Variants in CSMD2 observed in about 807,000 individuals in gnomAD.
CSMD2 encodes CUB and sushi domain-containing protein 2.
In CSMD2, 130 loss-of-function variants were observed where a neutral mutation model predicts 398.5. The observed-to-expected ratio is 0.33, with a 90% confidence interval of 0.28 to 0.38. The LOEUF (loss-of-function observed/expected upper bound fraction) is 0.38. Ranked by LOEUF, CSMD2 falls within the 10% of genes least tolerant of loss-of-function variation. The pLI, the probability that CSMD2 is intolerant of heterozygous loss-of-function variation, is 1.00. For missense variants in CSMD2, 3,829 were observed against 4,764.9 expected (o/e 0.80, Z 5.78); for synonymous variants, 1,828 against 1,908.5 (o/e 0.96, Z 1.10).
intron 13 of CSMD2, among the ~76,000 whole-genome samples, chr1:33,762,301 A>T (rs1649923262): frequency 6.6e-6 from 1 of 152,088 alleles, no homozygotes; most frequent in Admixed American, 6.5e-5. Flanking sequence ...TCTCTGAGTC[A>T]GGCATGGCAG....
At chr1:33,601,465 C>G (rs1163199778) in intron 43 of CSMD2, among the ~76,000 whole-genome samples, 1 of 152,182 alleles carries the variant, frequency 6.6e-6, no homozygotes, top group East Asian at 1.9e-4. Flanking sequence ...TCCCTGAAAC[C>G]TTATCTAACC....
chr1:33,599,933 T>C (rs1640099618), intron 44 of CSMD2: 1 of 579,800 alleles, frequency 1.7e-6, no homozygotes, highest in Non-Finnish European at 3.1e-6. Context: ...GCAGATACTG[T>C]AGCAGATACT....
At chr1:33,990,652 T>G (rs957328592) in intron 3 of CSMD2, among the ~76,000 whole-genome samples, 6 of 152,180 alleles carry the variant, frequency 3.9e-5, no homozygotes, top group African/African-American at 1.4e-4. Context: ...TGGGCTCTTC[T>G]ATCAGACCTA....
intron 53 of CSMD2, among the ~76,000 whole-genome samples, chr1:33,566,250 C>T (rs1372223869): frequency 1.3e-5 from 2 of 150,978 alleles, no homozygotes; most frequent in East Asian, 3.9e-4. Context: ...AACTCTGAAG[C>T]ATGTCCTAGT....
chr1:33,809,176 A>AT (rs1337975067), intron 10 of CSMD2, among the ~76,000 whole-genome samples: 5 of 152,028 alleles, frequency 3.3e-5, no homozygotes, highest in African/African-American at 1.2e-4. Flanking sequence ...TCTTCAAATC[A>AT]TTTTCTGAGG....
chr1:33,852,252 T>C (rs1638764028), intron 5 of CSMD2, among the ~76,000 whole-genome samples: 1 of 152,368 alleles, frequency 6.6e-6, no homozygotes, highest in Middle Eastern at 3.4e-3. Context: ...GCTTCTGATT[T>C]GCCCTCTGCC....
intron 13 of CSMD2, among the ~76,000 whole-genome samples, chr1:33,766,497 T>C (rs1650515937): frequency 6.6e-6 from 1 of 152,212 alleles, no homozygotes; most frequent in Non-Finnish European, 1.5e-5. Flanking sequence ...TGTTTTCTCA[T>C]TGAAAAACTA....
intron 47 of CSMD2, among the ~76,000 whole-genome samples, chr1:33,582,638 A>G (rs1400583450): frequency 2.0e-5 from 3 of 152,246 alleles, no homozygotes; most frequent in East Asian, 1.9e-4. Context: ...GATATATCAA[A>G]GACTTCTGGA....
intron 15 of CSMD2, among the ~76,000 whole-genome samples, chr1:33,728,908 T>C (rs918828688): frequency 3.3e-5 from 5 of 152,230 alleles, no homozygotes; most frequent in Non-Finnish European, 7.3e-5. Flanking sequence ...GTATTGTCAC[T>C]TCCTGGGTAA....
rs1366394298 is a variant in CSMD2 at position 34,098,416 on chromosome 1, T to TA, written c.188-9224dup. ...TACCCTAAAACTTAAAGTATAATAA[T>TA]AAAAAAATAAATAAATAAATAAATA... is the stretch of plus-strand genomic sequence containing the variant. On this transcript the variant is annotated intron_variant, in intron 1 of 70. Transcript: ENST00000373381. 4.4e-5 allele frequency among the ~76,000 whole-genome samples: 6 copies of TA among 137,260 alleles called. No homozygotes were observed. The East Asian group carries it at 1.0e-3, about 24-fold the overall frequency. 90.0% of individuals were successfully genotyped at this position (137,260 alleles called of 152,430 possible).
At chr1:33,994,774 G>A (rs1646672905) in intron 3 of CSMD2, among the ~76,000 whole-genome samples, 1 of 152,098 alleles carries the variant, frequency 6.6e-6, no homozygotes, top group African/African-American at 2.4e-5. Context: ...ACGTAGCTAA[G>A]CAGTATTTCC....
At chr1:33,921,773 G>A (rs917507146) in intron 4 of CSMD2, among the ~76,000 whole-genome samples, 20 of 152,166 alleles carry the variant, frequency 1.3e-4, no homozygotes, top group African/African-American at 4.6e-4. Flanking sequence ...TGGTAGGTGT[G>A]GAGAAGAGGG....
At position 33,741,843 on chromosome 1, in the gene CSMD2, T is replaced by G. The variant is rs920943612; in HGVS notation, c.2173+1437A>C. Among the ~76,000 whole-genome samples, 15 of 152,194 alleles carry G rather than the reference T, an allele frequency of 9.9e-5. 1 individual carries two copies. Among genetic ancestry groups the G allele is most frequent in the African/African-American group, 3.6e-4 (15 of 41,528 alleles). On this transcript the variant is annotated intron_variant, in intron 14 of 70. Coordinates refer to ENST00000373381, the MANE Select transcript of CSMD2 (RefSeq NM_001281956.2). ...CACACATGCTGCAAACCCACATGAC[T>G]TCTTGGCCCTCACCATCCTGGATAA...
At chr1:33,639,037 A>G (rs986875280) in intron 29 of CSMD2, among the ~76,000 whole-genome samples, 2 of 152,214 alleles carry the variant, frequency 1.3e-5, no homozygotes, top group Admixed American at 1.3e-4. Flanking sequence ...TTTTAAAAAG[A>G]CTGTTTAAGG....
chr1:33,819,515 A>G (rs1657858045), intron 9 of CSMD2, among the ~76,000 whole-genome samples, 198 bp downstream of exon 9: 1 of 152,174 alleles, frequency 6.6e-6, no homozygotes, highest in Non-Finnish European at 1.5e-5. Context: ...CCATCTCTGT[A>G]TCTCCTGATC....
intron 5 of CSMD2, among the ~76,000 whole-genome samples, chr1:33,899,001 C>T (rs934183137): frequency 1.3e-5 from 2 of 152,154 alleles, no homozygotes; most frequent in African/African-American, 2.4e-5. Context: ...TGTCATTGCC[C>T]GGAGACCTCT....
At chr1:34,121,992 T>TG (rs1270006388) in intron 1 of CSMD2, among the ~76,000 whole-genome samples, 3 of 130,182 alleles carry the variant, frequency 2.3e-5, no homozygotes, top group Non-Finnish European at 4.9e-5. Context: ...GGAATTTTTC[T>TG]GGTTTTTTTT....
intron 44 of CSMD2, among the ~76,000 whole-genome samples, chr1:33,592,753 T>C (rs1183249391): frequency 1.3e-5 from 2 of 151,968 alleles, no homozygotes. Flanking sequence ...ATCGAGACCA[T>C]CCTGGCTAAC....
At chr1:34,142,883 T>C (rs1389315704) in intron 1 of CSMD2, among the ~76,000 whole-genome samples, 1 of 152,198 alleles carries the variant, frequency 6.6e-6, no homozygotes, top group Non-Finnish European at 1.5e-5. Context: ...TTATCAGTGC[T>C]ATTATTATTG....
Sources: allele counts gnomAD v4.1 joint callset (sites outside exome capture counted in the v4.1 genomes callset), GRCh38; gene constraint gnomAD v4.1.1; transcripts MANE v1.5; gene names NCBI Gene and HGNC (gene_info 2026-07-23, HGNC 2026-07-21).